ZSCAN31: variants seen among roughly 807,000 people sequenced by gnomAD.
ZSCAN31 encodes the protein zinc finger and SCAN domain containing 31.
A neutral mutation model predicts 22.5 loss-of-function variants in ZSCAN31; 14 were observed. That is an observed-to-expected ratio of 0.62 (90% CI 0.41 to 0.97). ZSCAN31 has a LOEUF of 0.97. ZSCAN31 is among the 50% of genes least tolerant of loss of function. The pLI, the probability that ZSCAN31 is intolerant of heterozygous loss-of-function variation, is 0.00. For synonymous variants in ZSCAN31, 168 were observed against 169.8 expected (o/e 0.99, Z 0.08); for missense variants, 424 against 483.4 (o/e 0.88, Z 1.15).
chr6:28,328,016 G>A (rs1027849381), intron 2 of ZSCAN31, among the ~76,000 whole-genome samples: 7 of 152,186 alleles, frequency 4.6e-5, no homozygotes, highest in Non-Finnish European at 8.8e-5. Flanking sequence ...TGCCCCACAA[G>A]CCACAAAAAC....
chr6:28,339,294 A>AT (rs1256524162), upstream of ZSCAN31, among the ~76,000 whole-genome samples: 1 of 151,702 alleles, frequency 6.6e-6, no homozygotes, highest in East Asian at 1.9e-4. Flanking sequence ...CATTCCATTA[A>AT]TTTTTTTTGG....
chr6:28,353,072 G>A (rs1362792567), intron 2 of ZSCAN31, among the ~76,000 whole-genome samples: 2 of 151,166 alleles, frequency 1.3e-5, no homozygotes, highest in Non-Finnish European at 2.9e-5. Flanking sequence ...GGGTTCAAGC[G>A]ATTCTCCTGC....
chr6:28,343,937 A>G (rs1370183149), intron 2 of ZSCAN31, among the ~76,000 whole-genome samples: 1 of 152,178 alleles, frequency 6.6e-6, no homozygotes, highest in African/African-American at 2.4e-5. Context: ...AGGAGGAACA[A>G]AAGCATGAAA....
At position 28,327,390 on chromosome 6, in the gene ZSCAN31, T is replaced by C; in HGVS notation, c.525A>G (p.Gln175=). The C allele has an allele frequency of 6.2e-7, 1 of 1,614,090 alleles. No homozygotes were observed. The highest frequency in any genetic ancestry group is 8.5e-7 in the Non-Finnish European group (1 of 1,180,002). Reference sequence around the variant, plus strand: ...ACCTGTCAAAATCCTTACCTTGTTCTTGAAATTGGTGGAGGCAAAAAGATT... The same window carrying C: ...ACCTGTCAAAATCCTTACCTTGTTCCTGAAATTGGTGGAGGCAAAAAGATT... ...RYESFCLHQF[Q]EQDGESIPEN... Residue 175 remains glutamine (Q), a synonymous_variant, in exon 3 of 4, where the codon CAA becomes CAG. Transcript: ENST00000344279.
At chr6:28,337,589 C>T (rs141519082), upstream of ZSCAN31, among the ~76,000 whole-genome samples, 125 of 152,188 alleles carry the variant, frequency 8.2e-4, 1 homozygote, top group African/African-American at 2.7e-3. Context: ...CCATTGAATG[C>T]GATCTTTGTG....
chr6:28,329,084 G>C (rs1763540129), intron 2 of ZSCAN31, among the ~76,000 whole-genome samples: 1 of 152,156 alleles, frequency 6.6e-6, no homozygotes, highest in Non-Finnish European at 1.5e-5. Context: ...AGTAGCTGAG[G>C]CCCCCTACCA....
chr6:28,327,585 G>A (rs769088250), intron 2 of ZSCAN31, 52 bp from the exon 3 acceptor site: 1 of 1,556,526 alleles, frequency 6.4e-7, no homozygotes, highest in African/African-American at 1.4e-5. Flanking sequence ...AGGAGTACAA[G>A]CTAATACTAA....
Position 28,329,393 on chromosome 6 carries a change from G to A in ZSCAN31, c.291C>T (p.Ala97=). The A allele has an allele frequency of 6.2e-7, 1 of 1,614,188 alleles. No individual in the cohort carries two copies. Among genetic ancestry groups the A allele is most frequent in the Non-Finnish European group, 8.5e-7 (1 of 1,180,024 alleles). ...TCTCCGGATGGTGCTCCCGCACCCAGGCCTGGAGCTCCTCAGGCAGGATAG... is the reference window on the plus strand; with the variant it reads ...TCTCCGGATGGTGCTCCCGCACCCAAGCCTGGAGCTCCTCAGGCAGGATAG... ...FLTILPEELQ[A]WVREHHPESG... Residue 97 remains alanine (A), a synonymous_variant, in exon 2 of 4, where the codon GCC becomes GCT. Transcript: ENST00000344279.
At chr6:28,354,061 GC>G (rs1292673491) in intron 1 of ZSCAN31, 1 of 413,076 alleles carries the variant, frequency 2.4e-6, no homozygotes, top group Non-Finnish European at 4.9e-6. Context: ...TCAGCAAACG[GC>G]TCTGTGGCTC....
chr6:28,352,526 G>T (rs752350088), intron 2 of ZSCAN31, among the ~76,000 whole-genome samples: 1 of 152,164 alleles, frequency 6.6e-6, no homozygotes, highest in Non-Finnish European at 1.5e-5. Flanking sequence ...TGGGATTACA[G>T]GTGTGAGCCA....
At chr6:28,343,456 A>T (rs1764500488) in intron 2 of ZSCAN31, among the ~76,000 whole-genome samples, 1 of 151,928 alleles carries the variant, frequency 6.6e-6, no homozygotes, top group Non-Finnish European at 1.5e-5. Context: ...ATGACAGTTA[A>T]CTACTGCAAA....
chr6:28,344,968 A>G (rs901949517), intron 2 of ZSCAN31, among the ~76,000 whole-genome samples: 1 of 119,036 alleles, frequency 8.4e-6, no homozygotes, highest in African/African-American at 4.9e-5. Context: ...GTTCTCTACT[A>G]AAACTACAAA....
chr6:28,346,471 T>C (rs1764648120), intron 2 of ZSCAN31, among the ~76,000 whole-genome samples: 1 of 151,178 alleles, frequency 6.6e-6, no homozygotes, highest in South Asian at 2.1e-4. Context: ...GATTCTCATG[T>C]CTCAGCCTCC....
intron 2 of ZSCAN31, among the ~76,000 whole-genome samples, chr6:28,348,177 C>T (rs986972772): frequency 6.6e-6 from 1 of 151,928 alleles, no homozygotes; most frequent in African/African-American, 2.4e-5. Context: ...ATTTAATTGT[C>T]TTTACCATTA....
Position 28,333,407 on chromosome 6 carries a change from T to G in ZSCAN31, c.-96+2675A>C, listed in dbSNP as rs1304353280. ...GAAAAAGACGGGACCAGGCCCTGTT[T>G]TGCTGGAGCAAACATTTTAACGGGG... On this transcript the variant is annotated intron_variant, in intron 1 of 3. Transcript: ENST00000344279. The surrounding 1 kb of genome is among the most constrained non-coding windows in gnomAD (Gnocchi z 4.1). Among the ~76,000 whole-genome samples the G allele has an allele frequency of 6.6e-6, 1 of 152,174 alleles. No homozygotes were observed. Among genetic ancestry groups the G allele is most frequent in the Non-Finnish European group, 1.5e-5 (1 of 68,042 alleles).
intron 2 of ZSCAN31, among the ~76,000 whole-genome samples, chr6:28,343,053 G>A (rs915511615): frequency 4.6e-5 from 7 of 152,170 alleles, no homozygotes; most frequent in African/African-American, 1.7e-4. Flanking sequence ...CCCCTGTTAG[G>A]ATGTGGTCAT....
rs552411551 is a variant in ZSCAN31, at chr6:28,334,109, G to C, written c.-96+1973C>G. 3.9e-5 allele frequency among the ~76,000 whole-genome samples: 6 copies of C among 152,322 alleles called. No homozygotes were observed. In the South Asian group the frequency reaches 1.2e-3, roughly 32 times the overall value. ...CTTTGTAAAAGCAGTTCAGTCACTG[G>C]ACAATCAATTTATGGAGCTGAGCTA... On this transcript the variant is annotated intron_variant, in intron 1 of 3. Transcript: ENST00000344279.
In ZSCAN31 at chr6:28,331,877, G is replaced by A. The variant is rs1039502932; in HGVS notation, c.-95-2099C>T. Among the ~76,000 whole-genome samples, 2 of 152,120 alleles carry A rather than the reference G, an allele frequency of 1.3e-5. No individual in the cohort carries two copies. Among genetic ancestry groups the A allele is most frequent in the African/African-American group, 4.8e-5 (2 of 41,426 alleles). On this transcript the variant is annotated intron_variant, in intron 1 of 3. Transcript: ENST00000344279. This position sits in a 1 kb window ranked among gnomAD's most constrained non-coding sequence, Gnocchi z 4.8. ...AATCTCTCACATACCCAAAGCCACA[G>A]GTGGAGTATTTCTCCATCAATTGTA...
chr6:28,344,920 G>A (rs1280746507), intron 2 of ZSCAN31, among the ~76,000 whole-genome samples: 5 of 151,428 alleles, frequency 3.3e-5, no homozygotes, highest in Non-Finnish European at 5.9e-5. Context: ...ACTTGAGGTC[G>A]GGAACTCCAG....
Sources: gnomAD v4.1 joint callset for allele counts (sites outside exome capture counted in the v4.1 genomes callset) on GRCh38, gnomAD v4.1.1 for gene constraint, Gnocchi (gnomAD v3.1) non-coding constraint, MANE v1.5 for transcripts, NCBI Gene and HGNC (gene_info 2026-07-23, HGNC 2026-07-21) for gene names.